Variants in PTGER4 observed in about 807,000 individuals in gnomAD.
PTGER4 encodes the protein prostaglandin E2 receptor EP4 subtype.
A neutral mutation model predicts 33.2 loss-of-function variants in PTGER4; 11 were observed. The observed-to-expected ratio is 0.33, with a 90% CI of 0.21 to 0.55. PTGER4 has a LOEUF of 0.55. Ranked by LOEUF, PTGER4 falls within the 20% of genes least tolerant of loss-of-function variation. PTGER4 has a pLI of 0.92. For synonymous variants in PTGER4, 275 were observed against 281.5 expected, an observed-to-expected ratio of 0.98 and a Z score of 0.23; for missense variants, 481 against 650.2, an observed-to-expected ratio of 0.74 and a Z score of 2.83.
the PTGER4 span, among the ~76,000 whole-genome samples, chr5:40,733,120 A>G: frequency 6.6e-6 from 1 of 152,218 alleles, no homozygotes; most frequent in East Asian, 1.9e-4. Flanking sequence ...TTTCATATAT[A>G]GAAATTATAA....
At chr5:40,704,292 T>C in the PTGER4 span, among the ~76,000 whole-genome samples, 4 of 152,198 alleles carry the variant, frequency 2.6e-5, no homozygotes, top group Admixed American at 6.5e-5. Flanking sequence ...CATCCCTTCA[T>C]GTTAAAAACT....
chr5:40,719,988 T>C, the PTGER4 span, among the ~76,000 whole-genome samples: 3 of 152,236 alleles, frequency 2.0e-5, no homozygotes, highest in East Asian at 1.9e-4. Flanking sequence ...ATTCTGTGAA[T>C]TGCCTTTTCA....
At chr5:40,697,373 G>T (rs1432037155), downstream of PTGER4, among the ~76,000 whole-genome samples, 2 of 151,922 alleles carry the variant, frequency 1.3e-5, no homozygotes, top group African/African-American at 4.8e-5. Flanking sequence ...ATCACCTGAG[G>T]TCAGGAGTTC....
intron 2 of PTGER4, among the ~76,000 whole-genome samples, chr5:40,689,555 G>A (rs970717014): frequency 1.2e-4 from 19 of 152,056 alleles, no homozygotes; most frequent in African/African-American, 4.1e-4. Context: ...GTTACATCTA[G>A]TAAGTGCCAA....
Position 40,681,871 on chromosome 5 carries a change from G to A in PTGER4, c.867+11G>A, listed in dbSNP as rs776922580. 3 of 1,491,372 alleles carry A rather than the reference G, an allele frequency of 2.0e-6. No individual in the cohort carries two copies. The highest frequency in any genetic ancestry group is 1.5e-5 in the African/African-American group (1 of 67,842). 92.4% of individuals were successfully genotyped at this position (1,491,372 alleles called of 1,614,324 possible). ...TCCATCCCGCTCGTGGTGAGTGACCGGGGCTGGGGCCCTACTCGGCCTTTT... is the reference window on the plus strand; with the variant it reads ...TCCATCCCGCTCGTGGTGAGTGACCAGGGCTGGGGCCCTACTCGGCCTTTT... On this transcript the variant is annotated intron_variant, in intron 2 of 2. Transcript: ENST00000302472. The surrounding 1 kb of genome is among the most constrained non-coding windows in gnomAD (Gnocchi z 9.8).
At chr5:40,689,911 A>ACTATTT (rs566521018) in intron 2 of PTGER4, among the ~76,000 whole-genome samples, 15 of 152,280 alleles carry the variant, frequency 9.9e-5, no homozygotes, top group Admixed American at 3.9e-4. Context: ...TTTCTATACT[A>ACTATTT]CTATTTCTAT....
the PTGER4 span, among the ~76,000 whole-genome samples, chr5:40,704,850 T>A: frequency 1.5e-4 from 23 of 152,036 alleles, no homozygotes; most frequent in African/African-American, 4.3e-4. Flanking sequence ...GAAAAACATC[T>A]CATGCTCATG....
chr5:40,704,855 C>A, the PTGER4 span, among the ~76,000 whole-genome samples: 4 of 152,126 alleles, frequency 2.6e-5, no homozygotes, highest in African/African-American at 9.7e-5. Context: ...ACATCTCATG[C>A]TCATGGATAG....
At chr5:40,739,234 G>A in the PTGER4 span, among the ~76,000 whole-genome samples, 1 of 152,158 alleles carries the variant, frequency 6.6e-6, no homozygotes, top group Admixed American at 6.6e-5. Flanking sequence ...GGCTAGTCTA[G>A]ATTCTTTGCA....
At position 40,692,425 on chromosome 5, in the gene PTGER4, C is replaced by A; in HGVS notation, c.*47C>A. 1 of 1,523,992 alleles carries A rather than the reference C, an allele frequency of 6.6e-7. No individual in the cohort carries two copies. The highest frequency in any genetic ancestry group is 2.1e-5 in the Admixed American group (1 of 47,308). 94.4% of individuals were successfully genotyped at this position (1,523,992 alleles called of 1,614,324 possible). The stretch of plus-strand genomic sequence containing the variant: ...TACTGTTTCTGGACCCTTATAAAAT[C>A]CTGTGCAATAGACACATACATGTCA... On this transcript the variant is annotated 3_prime_UTR_variant, in exon 3 of 3. Transcript: ENST00000302472.
At chr5:40,724,718 A>G in the PTGER4 span, among the ~76,000 whole-genome samples, 2 of 152,168 alleles carry the variant, frequency 1.3e-5, no homozygotes, top group African/African-American at 4.8e-5. Context: ...AAAAAACTCA[A>G]TTCTTAAGTG....
At chr5:40,703,654 C>T in the PTGER4 span, among the ~76,000 whole-genome samples, 1 of 151,946 alleles carries the variant, frequency 6.6e-6, no homozygotes, top group South Asian at 2.1e-4. Flanking sequence ...CCTGTAATCC[C>T]AGCACTTTGG....
downstream of PTGER4, among the ~76,000 whole-genome samples, chr5:40,695,928 G>C (rs546746387): frequency 4.6e-4 from 70 of 152,246 alleles, no homozygotes; most frequent in African/African-American, 1.6e-3. Flanking sequence ...TCCAAAAGTG[G>C]GGAGGTGGGG....
downstream of PTGER4, among the ~76,000 whole-genome samples, chr5:40,697,481 A>C (rs762137721): frequency 6.7e-5 from 10 of 148,736 alleles, no homozygotes; most frequent in Non-Finnish European, 1.0e-4. Flanking sequence ...GCTACTCGGG[A>C]GGCTGAGGCA....
downstream of PTGER4, among the ~76,000 whole-genome samples, chr5:40,698,111 A>AAAAAAAAAAAAAAAAAAAT (rs1741655081): frequency 1.4e-5 from 2 of 146,314 alleles, no homozygotes; most frequent in Non-Finnish European, 3.0e-5. Context: ...AAAAAAAAAA[A>AAAAAAAAAAAAAAAAAAAT]AAAAAAAACC....
the PTGER4 span, among the ~76,000 whole-genome samples, chr5:40,723,346 A>T: frequency 1.3e-5 from 2 of 152,116 alleles, no homozygotes; most frequent in Non-Finnish European, 2.9e-5. Context: ...CTTTGTTCAC[A>T]TGTTTATCTG....
chr5:40,710,445 GT>G, the PTGER4 span, among the ~76,000 whole-genome samples: 1,173 of 152,300 alleles, frequency 7.7e-3, 12 homozygotes, highest in African/African-American at 0.026. Context: ...TGGAGAGGAT[GT>G]GGAGAAATAG....
the PTGER4 span, among the ~76,000 whole-genome samples, chr5:40,737,550 A>G: frequency 6.6e-6 from 1 of 152,252 alleles, no homozygotes; most frequent in Non-Finnish European, 1.5e-5. Flanking sequence ...ACATTTGACA[A>G]GCACTCAAAA....
the PTGER4 span, among the ~76,000 whole-genome samples, chr5:40,710,536 A>C: frequency 6.6e-6 from 1 of 152,222 alleles, no homozygotes; most frequent in South Asian, 2.1e-4. Flanking sequence ...TCGGGGATCT[A>C]GAACTAGAAA....
Sources: gnomAD v4.1 joint callset for allele counts (sites outside exome capture counted in the v4.1 genomes callset) on GRCh38, gnomAD v4.1.1 for gene constraint, Gnocchi (gnomAD v3.1) non-coding constraint, MANE v1.5 for transcripts, NCBI Gene and HGNC (gene_info 2026-07-23, HGNC 2026-07-21) for gene names.